The following COL22A1 variants were observed in gnomAD, a reference collection of about 807,000 sequenced individuals.
COL22A1 encodes collagen alpha-1(XXII) chain.
COL22A1 carries 221 observed loss-of-function variants against 248.9 expected under a neutral mutation model. The observed-to-expected ratio is 0.89, with a 90% CI of 0.80 to 0.99. COL22A1 has a LOEUF of 0.99. Ranked by LOEUF, COL22A1 falls within the 50% of genes least tolerant of loss-of-function variation. The pLI, the probability that COL22A1 is intolerant of heterozygous loss-of-function variation, is 0.00. For synonymous variants in COL22A1, 891 were observed against 793.4 expected, an observed-to-expected ratio of 1.12 and a Z score of -2.07; for missense variants, 2,240 against 2,179.0, an observed-to-expected ratio of 1.03 and a Z score of -0.56.
At chr8:138,605,202 T>C (rs1818329834) in intron 58 of COL22A1, among the ~76,000 whole-genome samples, 2 of 152,168 alleles carry the variant, frequency 1.3e-5, no homozygotes, top group South Asian at 2.1e-4. Context: ...ACAACTTCCA[T>C]AAGCTCTCTG....
chr8:138,715,513 G>A (rs1314690649), intron 30 of COL22A1, among the ~76,000 whole-genome samples, 169 bp downstream of exon 30: 1 of 145,518 alleles, frequency 6.9e-6, no homozygotes, highest in Non-Finnish European at 1.5e-5. Flanking sequence ...AGGTTGCAGT[G>A]AGACGAGATC....
At chr8:138,841,042 C>T (rs748910042) in intron 4 of COL22A1, among the ~76,000 whole-genome samples, 1 of 152,186 alleles carries the variant, frequency 6.6e-6, no homozygotes, top group Non-Finnish European at 1.5e-5. Context: ...TGCCTTCCTT[C>T]CTTCCATTCT....
intron 30 of COL22A1, among the ~76,000 whole-genome samples, chr8:138,714,028 T>G (rs1829240187): frequency 6.6e-6 from 1 of 152,172 alleles, no homozygotes; most frequent in Admixed American, 6.5e-5. Flanking sequence ...CTCTCCAACC[T>G]GTTTTTGTAA....
At chr8:138,795,090 A>T (rs1379356963) in intron 12 of COL22A1, among the ~76,000 whole-genome samples, 1 of 151,954 alleles carries the variant, frequency 6.6e-6, no homozygotes, top group Non-Finnish European at 1.5e-5. Context: ...AATGAAACTC[A>T]TTTAAAAAAA....
Position 138,709,306 on chromosome 8 carries a change from A to T in COL22A1, c.2518-5959T>A, listed in dbSNP as rs1359841673. 2.6e-5 allele frequency among the ~76,000 whole-genome samples: 4 copies of T among 152,196 alleles called. No individual in the cohort carries two copies. In the South Asian group the frequency reaches 6.2e-4, roughly 24 times the overall value. On this transcript the variant is annotated intron_variant, in intron 30 of 64. Coordinates refer to ENST00000303045, the MANE Select transcript of COL22A1 (RefSeq NM_152888.3). ...TTTCTAGGTATATACCCAAAGGATT[A>T]TAAATCATGCTGCTATAAAGACACA...
intron 7 of COL22A1, among the ~76,000 whole-genome samples, chr8:138,817,069 A>C (rs1818740426): frequency 6.6e-6 from 1 of 152,152 alleles, no homozygotes; most frequent in Non-Finnish European, 1.5e-5. Context: ...CTTTCTATAG[A>C]TGAGGAAGTG....
intron 3 of COL22A1, among the ~76,000 whole-genome samples, chr8:138,876,810 C>T (rs1451894879): frequency 6.6e-6 from 1 of 152,184 alleles, no homozygotes; most frequent in African/African-American, 2.4e-5. Flanking sequence ...GGTTGTTCAG[C>T]CCCCTGCAGT....
At chr8:138,796,201 C>T (rs1816505468) in intron 12 of COL22A1, among the ~76,000 whole-genome samples, 1 of 151,952 alleles carries the variant, frequency 6.6e-6, no homozygotes. Flanking sequence ...GGAGGAATCC[C>T]ATATTTCCCA....
rs200298766 is a variant in COL22A1, at chr8:138,594,094, C to T, written c.4538G>A (p.Arg1513Gln). The change falls in exon 63 of 65, where the codon CGG becomes CAG. Residue 1513 changes from arginine to glutamine, a missense_variant. Transcript: ENST00000303045. Reference sequence around the variant, plus strand: ...ACCTGGCTCCCCCATGGGGCCGGCCCGGCCTGGAAGCCCATCTTTTCCAGG... The same window carrying T: ...ACCTGGCTCCCCCATGGGGCCGGCCTGGCCTGGAAGCCCATCTTTTCCAGG... The part of the protein sequence containing the change: ...GPPGKDGLPG[R>Q]AGPMGEPGRP... 39 of 1,585,322 alleles carry T rather than the reference C, an allele frequency of 2.5e-5. No individual in the cohort carries two copies. The East Asian group carries it at 3.5e-4, about 14-fold the overall frequency.
intron 3 of COL22A1, among the ~76,000 whole-genome samples, chr8:138,849,051 G>T (rs1821445774): frequency 6.6e-6 from 1 of 152,192 alleles, no homozygotes; most frequent in Non-Finnish European, 1.5e-5. Context: ...GCAGACACAA[G>T]GTCCAGTTCC....
intron 22 of COL22A1, among the ~76,000 whole-genome samples, chr8:138,742,045 G>A (rs1831619801): frequency 6.6e-6 from 1 of 151,202 alleles, no homozygotes; most frequent in South Asian, 2.1e-4. Context: ...TGGAGTTGAT[G>A]GTGATGGTGA....
In COL22A1 at chr8:138,690,861, T is replaced by A; in HGVS notation, c.2768A>T (p.His923Leu). ...GCCACTGGGACCGGGGGCACCGACA[T>A]GTCCGGGAGCACCCTGTTCAGAGAC... ...GAAGNPGAPG[H>L]VGAPGPSGPP... Residue 923 changes from histidine (H) to leucine (L), a missense_variant, in exon 36 of 65, where the codon CAT becomes CTT. Coordinates refer to ENST00000303045, the MANE Select transcript of COL22A1 (RefSeq NM_152888.3). 1 of 1,610,732 alleles carries A rather than the reference T, an allele frequency of 6.2e-7. No individual in the cohort carries two copies. Among genetic ancestry groups the A allele is most frequent in the South Asian group, 1.1e-5 (1 of 90,254 alleles).
At chr8:138,744,495 AC>A in intron 22 of COL22A1, among the ~76,000 whole-genome samples, 1 of 152,130 alleles carries the variant, frequency 6.6e-6, no homozygotes, top group East Asian at 1.9e-4. Context: ...ACACACACAC[AC>A]ACACACACTC....
chr8:138,639,542 T>G (rs1821482193), intron 47 of COL22A1, among the ~76,000 whole-genome samples: 1 of 152,110 alleles, frequency 6.6e-6, no homozygotes, highest in South Asian at 2.1e-4. Context: ...TATTAAAGAG[T>G]CATTTCAAGG....
At position 138,882,566 on chromosome 8, in the gene COL22A1, C is replaced by G. The variant is rs543607598; in HGVS notation, c.91+516G>C. ...CACATGCTCCCTCAAACTCACACTC[C>G]CACACACTCCCACACACTGTCAAAC... On this transcript the variant is annotated intron_variant, in intron 2 of 64. Transcript: ENST00000303045. 2.0e-4 allele frequency among the ~76,000 whole-genome samples: 3 copies of G among 15,352 alleles called. No individual in the cohort carries two copies. The East Asian group carries it at 0.01, about 52-fold the overall frequency. The allele number at this position is 15,352 out of a possible 152,430, so 10.1% of individuals were successfully genotyped here.
chr8:138,642,600 T>C (rs1384710473), intron 47 of COL22A1, among the ~76,000 whole-genome samples: 1 of 152,134 alleles, frequency 6.6e-6, no homozygotes, highest in Non-Finnish European at 1.5e-5. Context: ...TTGAAGCAAA[T>C]TATAAGGGAA....
At chr8:138,887,619 C>T (rs1452898514) in intron 1 of COL22A1, among the ~76,000 whole-genome samples, 1 of 152,122 alleles carries the variant, frequency 6.6e-6, no homozygotes, top group Non-Finnish European at 1.5e-5. Flanking sequence ...GTGGCACTGG[C>T]GTCATTGTTT....
intron 41 of COL22A1, among the ~76,000 whole-genome samples, chr8:138,672,155 C>T (rs1825089930): frequency 6.6e-6 from 1 of 152,192 alleles, no homozygotes; most frequent in Non-Finnish European, 1.5e-5. Context: ...TGTCCTAGCT[C>T]TACCATGTCC....
In COL22A1 at chr8:138,790,712, C is replaced by T. The variant is rs190036214; in HGVS notation, c.1596+6107G>A. ...CTTGTTGGGATAAGGGAAGACCTGGCTTCTCTGTGACTGCAGACCTGACTG... is the reference window on the plus strand; with the variant it reads ...CTTGTTGGGATAAGGGAAGACCTGGTTTCTCTGTGACTGCAGACCTGACTG... On this transcript the variant is annotated intron_variant, in intron 12 of 64. Transcript: ENST00000303045. 2.6e-5 allele frequency among the ~76,000 whole-genome samples: 4 copies of T among 152,334 alleles called. No homozygotes were observed. The East Asian group carries it at 7.7e-4, about 29-fold the overall frequency.
Sources: gnomAD v4.1 joint callset for allele counts (sites outside exome capture counted in the v4.1 genomes callset) on GRCh38, gnomAD v4.1.1 for gene constraint, MANE v1.5 for transcripts, NCBI Gene and HGNC (gene_info 2026-07-23, HGNC 2026-07-21) for gene names.